ITFG1: variants seen among roughly 807,000 people sequenced by gnomAD.
ITFG1 encodes integrin alpha FG-GAP repeat containing 1, also known as T-cell immunomodulatory protein.
ITFG1 carries 34 observed loss-of-function variants against 81.8 expected under a neutral mutation model. That is an observed-to-expected ratio of 0.42 (90% confidence interval 0.32 to 0.55). ITFG1 has a LOEUF of 0.55. Ranked by LOEUF, ITFG1 falls within the 20% of genes least tolerant of loss-of-function variation. The pLI, the probability that ITFG1 is intolerant of heterozygous loss-of-function variation, is 0.17. For missense variants in ITFG1, 672 were observed against 755.4 expected (o/e 0.89, Z 1.29); for synonymous variants, 285 against 270.6 (o/e 1.05, Z -0.52).
chr16:47,292,820 T>C (rs1193486957), intron 10 of ITFG1, among the ~76,000 whole-genome samples: 3 of 151,912 alleles, frequency 2.0e-5, no homozygotes, highest in Non-Finnish European at 2.9e-5. Flanking sequence ...TTCTTTTTTA[T>C]GGTTGAGTAG....
At chr16:47,436,681 T>G (rs980085459) in intron 5 of ITFG1, among the ~76,000 whole-genome samples, 1 of 152,170 alleles carries the variant, frequency 6.6e-6, no homozygotes, top group African/African-American at 2.4e-5. Context: ...GATTCTCAGT[T>G]TTTTGAACCC....
At chr16:47,347,939 C>T (rs533703916) in intron 8 of ITFG1, among the ~76,000 whole-genome samples, 1 of 152,310 alleles carries the variant, frequency 6.6e-6, no homozygotes, top group Non-Finnish European at 1.5e-5. Flanking sequence ...CTGCTGATAC[C>T]CAGGCAAATA....
At chr16:47,407,061 T>G (rs1176992352) in intron 6 of ITFG1, among the ~76,000 whole-genome samples, 14 of 152,134 alleles carry the variant, frequency 9.2e-5, no homozygotes, top group Admixed American at 9.2e-4. Flanking sequence ...TGTGGCCTAG[T>G]AGGCTGTTTT....
intron 6 of ITFG1, among the ~76,000 whole-genome samples, chr16:47,376,785 AT>A (rs1054387619): frequency 3.9e-5 from 6 of 152,174 alleles, no homozygotes; most frequent in African/African-American, 1.4e-4. Context: ...CCTGGCCAAC[AT>A]GGTGAAACCC....
intron 12 of ITFG1, among the ~76,000 whole-genome samples, chr16:47,252,406 T>C (rs1451202029): frequency 2.0e-5 from 3 of 152,208 alleles, no homozygotes; most frequent in Non-Finnish European, 4.4e-5. Flanking sequence ...CTCATCTTGT[T>C]TGGTAAACAA....
chr16:47,182,192 A>C (rs1302260712), intron 14 of ITFG1, among the ~76,000 whole-genome samples: 2 of 152,054 alleles, frequency 1.3e-5, no homozygotes, highest in East Asian at 1.9e-4. Flanking sequence ...AAAAAAAAAA[A>C]ACAAAAAAAC....
chr16:47,272,749 T>C (rs1375749905), intron 10 of ITFG1, among the ~76,000 whole-genome samples: 2 of 151,992 alleles, frequency 1.3e-5, no homozygotes, highest in Admixed American at 1.3e-4. Context: ...GTGAATTGTA[T>C]GGTGTGTGAA....
At chr16:47,217,902 G>A (rs926301883) in intron 14 of ITFG1, 1 of 152,236 alleles carries the variant, frequency 6.6e-6, no homozygotes, top group Admixed American at 6.5e-5. Flanking sequence ...TCCAGCCTGG[G>A]CAACACAGTG....
At chr16:47,253,824 C>T (rs745726078) in intron 12 of ITFG1, among the ~76,000 whole-genome samples, 18 of 152,236 alleles carry the variant, frequency 1.2e-4, no homozygotes, top group African/African-American at 3.6e-4. Context: ...GCTCGCCCTC[C>T]GGCCGTTCAC....
intron 12 of ITFG1, among the ~76,000 whole-genome samples, chr16:47,252,885 A>C (rs549896867): frequency 1.2e-3 from 184 of 152,346 alleles, no homozygotes; most frequent in Non-Finnish European, 2.3e-3. Flanking sequence ...AATCAAAGGA[A>C]AGAGTGGAAG....
intron 6 of ITFG1, among the ~76,000 whole-genome samples, chr16:47,427,205 T>C (rs1388080736): frequency 6.6e-6 from 1 of 152,188 alleles, no homozygotes; most frequent in East Asian, 1.9e-4. Context: ...TAGAGAATAC[T>C]GTAATGGATG....
intron 6 of ITFG1, among the ~76,000 whole-genome samples, chr16:47,392,192 T>G (rs1444194829): frequency 1.3e-5 from 2 of 151,992 alleles, no homozygotes; most frequent in Non-Finnish European, 2.9e-5. Flanking sequence ...GGAGGGAGGA[T>G]CGTTTGAGCC....
intron 12 of ITFG1, among the ~76,000 whole-genome samples, chr16:47,239,308 C>G (rs1240329075): frequency 1.3e-5 from 2 of 151,946 alleles, no homozygotes; most frequent in South Asian, 2.1e-4. Flanking sequence ...TCAAGCGATT[C>G]TCCTGCCTCA....
At chr16:47,346,445 C>T (rs902306835) in intron 8 of ITFG1, among the ~76,000 whole-genome samples, 1 of 151,992 alleles carries the variant, frequency 6.6e-6, no homozygotes, top group African/African-American at 2.4e-5. Context: ...ATGACTACAG[C>T]AATAAACACA....
chr16:47,420,582 T>C (rs1317602102), intron 6 of ITFG1, among the ~76,000 whole-genome samples: 2 of 152,216 alleles, frequency 1.3e-5, no homozygotes. Context: ...GGTGCCATCC[T>C]CACGGTAATG....
intron 8 of ITFG1, among the ~76,000 whole-genome samples, chr16:47,316,634 C>T (rs1967363283): frequency 6.6e-6 from 1 of 152,204 alleles, no homozygotes. Flanking sequence ...CTAGAAATTG[C>T]ATAAAGCTGT....
chr16:47,271,795 C>G (rs895778396), intron 10 of ITFG1, among the ~76,000 whole-genome samples: 2 of 152,104 alleles, frequency 1.3e-5, no homozygotes, highest in African/African-American at 4.8e-5. Context: ...GGAGGCAGAG[C>G]TTGCAGTGAA....
At chr16:47,223,696 C>G (rs1175394138) in intron 13 of ITFG1, among the ~76,000 whole-genome samples, 13 of 152,110 alleles carry the variant, frequency 8.5e-5, no homozygotes, top group Admixed American at 8.5e-4. Context: ...ACCATTTGAC[C>G]CAGCCGTCCC....
intron 12 of ITFG1, among the ~76,000 whole-genome samples, chr16:47,249,899 A>G (rs1454930868): frequency 6.6e-6 from 1 of 152,228 alleles, no homozygotes; most frequent in Admixed American, 6.5e-5. Context: ...ACACTAAGCC[A>G]ACGTGCAGGT....
Sources: gnomAD v4.1 joint callset for allele counts (sites outside exome capture counted in the v4.1 genomes callset) on GRCh38, gnomAD v4.1.1 for gene constraint, MANE v1.5 for transcripts, NCBI Gene and HGNC (gene_info 2026-07-23, HGNC 2026-07-21) for gene names.